Variants in CSMD1 observed in about 807,000 individuals in gnomAD.
CSMD1 encodes the protein CUB and sushi domain-containing protein 1.
A neutral mutation model predicts 417.5 loss-of-function variants in CSMD1; 213 were observed. The ratio of observed to expected loss-of-function variants is 0.51; its 90% CI spans 0.46 to 0.57. The LOEUF (loss-of-function observed/expected upper bound fraction) is 0.57, where lower values mean the gene tolerates loss of function less well. Ranked by LOEUF, CSMD1 falls within the 20% of genes least tolerant of loss-of-function variation. CSMD1 has a pLI of 0.00. For synonymous variants in CSMD1, 2,862 were observed against 1,736.8 expected (o/e 1.65, Z -16.11); for missense variants, 6,923 against 4,529.7 (o/e 1.53, Z -15.17).
intron 26 of CSMD1, among the ~76,000 whole-genome samples, chr8:3,280,898 C>G (rs1195337434): frequency 6.6e-6 from 1 of 152,016 alleles, no homozygotes; most frequent in African/African-American, 2.4e-5. Flanking sequence ...AAGAGAGAAT[C>G]ATGAATATAT....
At chr8:3,748,594 G>A (rs991172922) in intron 6 of CSMD1, among the ~76,000 whole-genome samples, 4 of 152,198 alleles carry the variant, frequency 2.6e-5, no homozygotes, top group African/African-American at 9.7e-5. Context: ...AACCATGCAT[G>A]CCACCAGAAT....
intron 3 of CSMD1, among the ~76,000 whole-genome samples, chr8:4,168,421 A>T (rs188675384): frequency 2.6e-5 from 4 of 152,026 alleles, no homozygotes; most frequent in South Asian, 2.1e-4. Flanking sequence ...TTTTACATTT[A>T]TTTTTTATAT....
intron 12 of CSMD1, among the ~76,000 whole-genome samples, chr8:3,446,015 C>G (rs1038621787): frequency 3.3e-5 from 5 of 152,158 alleles, no homozygotes; most frequent in African/African-American, 4.8e-5. Flanking sequence ...GTCAAAAATA[C>G]TGTCCCGGGC....
At chr8:3,054,327 A>T (rs556228060) in intron 49 of CSMD1, among the ~76,000 whole-genome samples, 8 of 152,314 alleles carry the variant, frequency 5.3e-5, no homozygotes, top group African/African-American at 1.9e-4. Flanking sequence ...ACCATCAAAA[A>T]TACATGTGGG....
intron 46 of CSMD1, among the ~76,000 whole-genome samples, chr8:3,105,593 A>G (rs967827834): frequency 6.6e-6 from 1 of 152,238 alleles, no homozygotes; most frequent in African/African-American, 2.4e-5. Context: ...CAGCCTCAGT[A>G]TCTTGTTCTA....
chr8:4,235,939 C>G (rs1199357389), intron 3 of CSMD1, among the ~76,000 whole-genome samples: 1 of 151,680 alleles, frequency 6.6e-6, no homozygotes, highest in Non-Finnish European at 1.5e-5. Context: ...TTGTGTTTAC[C>G]GTGAAATTAA....
At chr8:3,305,567 C>G (rs560170845) in intron 25 of CSMD1, among the ~76,000 whole-genome samples, 11 of 151,328 alleles carry the variant, frequency 7.3e-5, no homozygotes, top group African/African-American at 2.4e-4. Context: ...CTCTAGTGTA[C>G]TTCCTTGCTA....
chr8:4,861,273 C>T (rs1802114723), intron 1 of CSMD1, among the ~76,000 whole-genome samples: 1 of 152,098 alleles, frequency 6.6e-6, no homozygotes, highest in African/African-American at 2.4e-5. Flanking sequence ...AAAGTCACAG[C>T]AACAAAGGTA....
intron 1 of CSMD1, among the ~76,000 whole-genome samples, chr8:4,693,460 A>G (rs1806907098): frequency 6.6e-6 from 1 of 152,132 alleles, no homozygotes; most frequent in Non-Finnish European, 1.5e-5. Flanking sequence ...CTTGAATCTC[A>G]TTCTTCTCTA....
At chr8:3,380,503 T>C (rs1298980985) in intron 18 of CSMD1, among the ~76,000 whole-genome samples, 4 of 152,158 alleles carry the variant, frequency 2.6e-5, no homozygotes, top group Non-Finnish European at 5.9e-5. Context: ...TGTCCATCAA[T>C]GATAGGCTGG....
At chr8:4,120,437 C>T (rs560485016) in intron 3 of CSMD1, among the ~76,000 whole-genome samples, 1 of 152,320 alleles carries the variant, frequency 6.6e-6, no homozygotes, top group South Asian at 2.1e-4. Flanking sequence ...CTCCTTCCTC[C>T]TCCTCTCTGT....
Position 3,188,947 on chromosome 8 carries a change from T to C in CSMD1, c.5463A>G (p.Pro1821=). The C allele has an allele frequency of 1.2e-6, 2 of 1,612,904 alleles. No homozygotes were observed. Among genetic ancestry groups the C allele is most frequent in the Non-Finnish European group, 8.5e-7 (1 of 1,179,436 alleles). ...ATATACAGTTCAAGTTGTTTCCGTA[T>C]GGCTCAGGGTAGCCGGGGGACAGGA... ...GTILSPGYPE[P]YGNNLNCIWK... Residue 1821 remains proline, a synonymous_variant, in exon 35 of 70, where the codon CCA becomes CCG. Coordinates refer to ENST00000635120, the MANE Select transcript of CSMD1 (RefSeq NM_033225.6).
chr8:4,800,438 C>CAAAAAAAA (rs11463488), intron 1 of CSMD1, among the ~76,000 whole-genome samples: 33 of 115,026 alleles, frequency 2.9e-4, no homozygotes, highest in African/African-American at 1.1e-3. Context: ...GACTTCATCT[C>CAAAAAAAA]AAAAAAAAAA....
At chr8:3,948,156 G>T (rs561273077) in intron 5 of CSMD1, among the ~76,000 whole-genome samples, 2 of 152,118 alleles carry the variant, frequency 1.3e-5, no homozygotes, top group Non-Finnish European at 2.9e-5. Context: ...AGTCAGCTGA[G>T]ATTGCACCAC....
At chr8:4,170,942 C>A (rs533063352) in intron 3 of CSMD1, among the ~76,000 whole-genome samples, 2 of 151,982 alleles carry the variant, frequency 1.3e-5, no homozygotes, top group South Asian at 4.1e-4. Flanking sequence ...AGCTGTGTTA[C>A]GCAAATGTCA....
At chr8:4,090,623 G>A (rs746451854) in intron 3 of CSMD1, among the ~76,000 whole-genome samples, 2 of 152,218 alleles carry the variant, frequency 1.3e-5, no homozygotes, top group African/African-American at 4.8e-5. Flanking sequence ...TCTCAGAATT[G>A]TAAAAGAACG....
At chr8:3,912,184 G>A (rs1365792726) in intron 5 of CSMD1, among the ~76,000 whole-genome samples, 1 of 152,118 alleles carries the variant, frequency 6.6e-6, no homozygotes, top group Non-Finnish European at 1.5e-5. Flanking sequence ...AATTTGTAAT[G>A]ATTTCAGAGA....
intron 1 of CSMD1, among the ~76,000 whole-genome samples, chr8:4,672,447 T>G (rs1263212440): frequency 1.3e-5 from 2 of 152,122 alleles, no homozygotes; most frequent in Non-Finnish European, 2.9e-5. Context: ...AAATAACCCA[T>G]TTTCTCAATG....
chr8:4,614,802 T>C (rs1236644615), intron 2 of CSMD1, among the ~76,000 whole-genome samples: 2 of 152,212 alleles, frequency 1.3e-5, no homozygotes, highest in Non-Finnish European at 2.9e-5. Context: ...TTAAAATGCA[T>C]ATATTCTTAA....
Sources: allele counts gnomAD v4.1 joint callset (sites outside exome capture counted in the v4.1 genomes callset), GRCh38; gene constraint gnomAD v4.1.1; transcripts MANE v1.5; gene names NCBI Gene and HGNC (gene_info 2026-07-23, HGNC 2026-07-21).